FRAS1: variants seen among roughly 807,000 people sequenced by gnomAD.
The protein encoded by FRAS1 is extracellular matrix organizing protein FRAS1.
A neutral mutation model predicts 435.2 loss-of-function variants in FRAS1; 290 were observed. That is an observed-to-expected ratio of 0.67 (90% CI 0.61 to 0.73). FRAS1 has a LOEUF of 0.73. FRAS1 is among the 30% of genes least tolerant of loss of function. FRAS1 has a pLI of 0.00. For synonymous variants in FRAS1, 1,800 were observed against 1,851.0 expected (o/e 0.97, Z 0.71); for missense variants, 4,860 against 5,001.5 (o/e 0.97, Z 0.85).
intron 68 of FRAS1, among the ~76,000 whole-genome samples, 182 bp from the exon 69 acceptor site, chr4:78,522,467 T>G (rs892950566): frequency 7.2e-5 from 11 of 152,174 alleles, no homozygotes; most frequent in African/African-American, 2.7e-4. Context: ...GACGATGGGC[T>G]AGGGTGAGAT....
At chr4:78,176,166 T>C (rs1054674616) in intron 2 of FRAS1, among the ~76,000 whole-genome samples, 2 of 152,316 alleles carry the variant, frequency 1.3e-5, no homozygotes, top group Admixed American at 6.5e-5. Flanking sequence ...TAGCTTCCTA[T>C]TATATGTGAG....
At chr4:78,397,961 G>T (rs1165737041) in intron 29 of FRAS1, among the ~76,000 whole-genome samples, 1 of 151,122 alleles carries the variant, frequency 6.6e-6, no homozygotes, top group East Asian at 1.9e-4. Context: ...ATCTATTGTT[G>T]ATTTTTTTTT....
intron 2 of FRAS1, among the ~76,000 whole-genome samples, chr4:78,096,357 T>G (rs969510366): frequency 2.6e-5 from 4 of 152,178 alleles, no homozygotes; most frequent in African/African-American, 9.7e-5. Flanking sequence ...TGTTGGTGGA[T>G]CTACCATTCC....
intron 18 of FRAS1, among the ~76,000 whole-genome samples, chr4:78,322,064 T>C (rs1042257740): frequency 6.6e-6 from 1 of 152,188 alleles, no homozygotes; most frequent in African/African-American, 2.4e-5. Flanking sequence ...TTACAAGTGA[T>C]GAGAATGTGG....
intron 30 of FRAS1, among the ~76,000 whole-genome samples, chr4:78,404,072 G>A (rs565806713): frequency 5.3e-5 from 8 of 152,300 alleles, no homozygotes; most frequent in Non-Finnish European, 1.0e-4. Context: ...TTTGAAAGTA[G>A]ATATGATGAG....
rs191012074 is a variant in FRAS1 at position 78,116,581 on chromosome 4, G to A, written c.108+50565G>A. On this transcript the variant is annotated intron_variant, in intron 2 of 73. Transcript: ENST00000512123. ...GTTGAATTGATCCCTTTACCATTAC[G>A]TAATGGCCTTCTTTGTCTCTTTTGA... Among the ~76,000 whole-genome samples, 937 of 152,218 alleles carry A rather than the reference G, an allele frequency of 6.2e-3. 11 individuals are homozygous for A. The highest frequency in any genetic ancestry group is 0.021 in the African/African-American group (890 of 41,520).
chr4:78,274,938 T>C (rs1026439651), intron 9 of FRAS1, among the ~76,000 whole-genome samples: 4 of 152,232 alleles, frequency 2.6e-5, no homozygotes, highest in Non-Finnish European at 5.9e-5. Flanking sequence ...ATTATTATTG[T>C]GTGGGAGTCT....
intron 2 of FRAS1, among the ~76,000 whole-genome samples, chr4:78,081,968 C>CT (rs1463740429): frequency 6.6e-6 from 1 of 152,036 alleles, no homozygotes; most frequent in Non-Finnish European, 1.5e-5. Context: ...TGTTTAAATT[C>CT]TTTTTTTCCC....
chr4:78,422,047 C>A, intron 34 of FRAS1, 47 bp downstream of exon 34: 1 of 1,556,032 alleles, frequency 6.4e-7, no homozygotes. Flanking sequence ...CTCTCTGTGG[C>A]TCTACATGAC....
rs1171404839 is a variant in FRAS1 at position 78,180,904 on chromosome 4, C to T, written c.109-56606C>T. On this transcript the variant is annotated intron_variant, in intron 2 of 73. Transcript: ENST00000512123. ...GGGAATGCCTCTGGGTCATCCACATCAGGAGCAGAAGTACTTGACTTGTCG... is the reference window on the plus strand; with the variant it reads ...GGGAATGCCTCTGGGTCATCCACATTAGGAGCAGAAGTACTTGACTTGTCG... 6 of 1,604,822 alleles carry T rather than the reference C, an allele frequency of 3.7e-6. No individual in the cohort carries two copies. The African/African-American group carries it at 5.4e-5, about 14-fold the overall frequency.
At chr4:78,425,511 G>A (rs1039500850) in intron 35 of FRAS1, among the ~76,000 whole-genome samples, 4 of 152,108 alleles carry the variant, frequency 2.6e-5, no homozygotes, top group Non-Finnish European at 5.9e-5. Flanking sequence ...CCATCCATGC[G>A]CACTGTTACA....
intron 61 of FRAS1, 95 bp from the exon 62 acceptor site, chr4:78,507,325 AT>A (rs1720874175): frequency 9.4e-7 from 1 of 1,063,892 alleles, no homozygotes; most frequent in Non-Finnish European, 1.3e-6. Flanking sequence ...GAAAGAACAT[AT>A]TTTAACATAA....
chr4:78,395,425 T>A (rs537423403), intron 29 of FRAS1, among the ~76,000 whole-genome samples: 4 of 152,162 alleles, frequency 2.6e-5, no homozygotes, highest in South Asian at 2.1e-4. Context: ...TGATTTTCTA[T>A]CTGGATGATC....
At chr4:78,484,777 A>G (rs1053393477) in intron 58 of FRAS1, among the ~76,000 whole-genome samples, 54 of 152,218 alleles carry the variant, frequency 3.5e-4, no homozygotes, top group Admixed American at 3.1e-3. Context: ...GGATAAGGAA[A>G]CTGAGAATCA....
intron 2 of FRAS1, among the ~76,000 whole-genome samples, chr4:78,191,899 C>G (rs1240655061): frequency 6.6e-6 from 1 of 152,144 alleles, no homozygotes; most frequent in Non-Finnish European, 1.5e-5. Flanking sequence ...GTATAGTATT[C>G]CATAGTGTAT....
chr4:78,407,898 C>T, intron 31 of FRAS1, 57 bp downstream of exon 31: 2 of 1,401,690 alleles, frequency 1.4e-6, no homozygotes, highest in South Asian at 1.6e-5. Context: ...TCCAATCGCT[C>T]TTATTTATAA....
At chr4:78,129,498 T>C (rs1381632906) in intron 2 of FRAS1, among the ~76,000 whole-genome samples, 1 of 152,044 alleles carries the variant, frequency 6.6e-6, no homozygotes, top group African/African-American at 2.4e-5. Context: ...CCCCCTGATA[T>C]GTGAAATTGA....
At chr4:78,142,145 A>T (rs1048755834) in intron 2 of FRAS1, among the ~76,000 whole-genome samples, 1 of 151,904 alleles carries the variant, frequency 6.6e-6, no homozygotes, top group African/African-American at 2.4e-5. Context: ...AAAAAATGGG[A>T]CTACGGCTTA....
rs752749843 is a variant in FRAS1, at chr4:78,364,008, C to A, written c.2676C>A (p.Thr892=). 2.6e-5 allele frequency: 41 copies of A among 1,606,112 alleles called. No individual in the cohort carries two copies. The highest frequency in any genetic ancestry group is 3.1e-5 in the Non-Finnish European group (37 of 1,176,096). The change falls in exon 22 of 74, where the codon ACC becomes ACA. Residue 892 remains threonine, a synonymous_variant. Coordinates refer to ENST00000512123, the MANE Select transcript of FRAS1 (RefSeq NM_025074.7). ...LVLSHTGTCS[T]TCFPGHYLDD... ...TGTCCCACACTGGCACCTGCAGCAC[C>A]ACCTGCTTCCCTGGGCACTATCTTG...
Sources: gnomAD v4.1 joint callset for allele counts (sites outside exome capture counted in the v4.1 genomes callset) on GRCh38, gnomAD v4.1.1 for gene constraint, MANE v1.5 for transcripts, NCBI Gene and HGNC (gene_info 2026-07-23, HGNC 2026-07-21) for gene names.